The following GRIK2 variants were observed in gnomAD, a reference collection of about 807,000 sequenced individuals.
GRIK2 encodes the protein glutamate receptor ionotropic, kainate 2.
GRIK2 carries 32 observed loss-of-function variants against 100.3 expected under a neutral mutation model. That is an observed-to-expected ratio of 0.32 (90% CI 0.24 to 0.43). The LOEUF is 0.43. GRIK2 is among the 20% of genes least tolerant of loss of function. The pLI is 1.00. For synonymous variants in GRIK2, 417 were observed against 389.4 expected (o/e 1.07, Z -0.83); for missense variants, 843 against 1,114.9 (o/e 0.76, Z 3.47).
At chr6:101,414,570 T>C (rs528921071) in intron 2 of GRIK2, among the ~76,000 whole-genome samples, 5 of 152,254 alleles carry the variant, frequency 3.3e-5, no homozygotes, top group African/African-American at 1.2e-4. Flanking sequence ...TCAGGGATGG[T>C]ATGCTGGATC....
chr6:101,527,115 T>C (rs545545165), intron 2 of GRIK2, among the ~76,000 whole-genome samples: 2 of 152,298 alleles, frequency 1.3e-5, no homozygotes, highest in South Asian at 4.1e-4. Context: ...ATATTAAAGG[T>C]TGCAGGGAGA....
At chr6:101,683,467 TA>T (rs2128342750) in intron 6 of GRIK2, among the ~76,000 whole-genome samples, 1 of 152,324 alleles carries the variant, frequency 6.6e-6, no homozygotes, top group Admixed American at 6.5e-5. Context: ...AATCTGACTT[TA>T]ACCTGTATCA....
chr6:101,791,239 C>T (rs1779832168), intron 7 of GRIK2, among the ~76,000 whole-genome samples: 1 of 151,958 alleles, frequency 6.6e-6, no homozygotes, highest in Admixed American at 6.6e-5. Context: ...TTGTTTCTTG[C>T]CTTCTGCTAG....
chr6:101,747,247 T>G (rs552311591), intron 7 of GRIK2, among the ~76,000 whole-genome samples: 9 of 152,218 alleles, frequency 5.9e-5, no homozygotes, highest in Non-Finnish European at 8.8e-5. Context: ...CCCTTTAGCT[T>G]TCTGCCTAGG....
chr6:101,435,439 T>C (rs577622289), intron 2 of GRIK2, among the ~76,000 whole-genome samples: 6 of 151,818 alleles, frequency 4.0e-5, no homozygotes, highest in Non-Finnish European at 8.8e-5. Flanking sequence ...ACTTTTAAAA[T>C]TGGGGAATAG....
chr6:101,601,638 T>C (rs1223924707), intron 2 of GRIK2, among the ~76,000 whole-genome samples: 1 of 151,900 alleles, frequency 6.6e-6, no homozygotes, highest in Non-Finnish European at 1.5e-5. Flanking sequence ...AGGGTTTTAG[T>C]TTTTTCCTGA....
In GRIK2 at chr6:101,923,244, A is replaced by AT. The variant is rs201002961; in HGVS notation, c.1749-1349dup. Among the ~76,000 whole-genome samples the AT allele has an allele frequency of 1.4e-3, 218 of 152,144 alleles. 1 individual carries two copies. The highest frequency in any genetic ancestry group is 4.8e-3 in the East Asian group (25 of 5,164). The stretch of plus-strand genomic sequence containing the variant: ...TCAAATAACTTTGATTGGATGTAAG[A>AT]TTTTTTTTAATGCTTTCACAAAGCG... On this transcript the variant is annotated intron_variant, in intron 12 of 16. Coordinates refer to ENST00000369134, the MANE Select transcript of GRIK2 (RefSeq NM_021956.5).
At chr6:101,897,633 C>A (rs974459693) in intron 12 of GRIK2, among the ~76,000 whole-genome samples, 2 of 151,724 alleles carry the variant, frequency 1.3e-5, no homozygotes, top group Non-Finnish European at 2.9e-5. Context: ...TCCACAATGT[C>A]TAGTAAAGAC....
At chr6:101,687,570 C>G (rs1180468762) in intron 7 of GRIK2, among the ~76,000 whole-genome samples, 2 of 151,610 alleles carry the variant, frequency 1.3e-5, no homozygotes, top group Non-Finnish European at 1.5e-5. Context: ...ATTTTTTTAT[C>G]CTTAGAAGGT....
At chr6:101,518,351 ACTT>A (rs1774695528) in intron 2 of GRIK2, among the ~76,000 whole-genome samples, 1 of 152,102 alleles carries the variant, frequency 6.6e-6, no homozygotes, top group South Asian at 2.1e-4. Flanking sequence ...TGTACTCTGA[ACTT>A]CTTGCATATA....
At chr6:101,447,084 CTTT>C (rs541136444) in intron 2 of GRIK2, among the ~76,000 whole-genome samples, 180 of 149,126 alleles carry the variant, frequency 1.2e-3, no homozygotes, top group African/African-American at 4.2e-3. Flanking sequence ...TAGCCCTTTA[CTTT>C]TTTTCTTTTC....
At chr6:101,937,025 T>C (rs1353411937) in intron 14 of GRIK2, among the ~76,000 whole-genome samples, 1 of 152,140 alleles carries the variant, frequency 6.6e-6, no homozygotes. Flanking sequence ...GCAACTTTTA[T>C]CTTCGAAAGT....
At chr6:102,068,115 A>G (rs1351667607) in intron 16 of GRIK2, among the ~76,000 whole-genome samples, 2 of 151,816 alleles carry the variant, frequency 1.3e-5, no homozygotes, top group African/African-American at 2.4e-5. Context: ...CTGGTTGTTC[A>G]TTTCAGTATC....
intron 2 of GRIK2, among the ~76,000 whole-genome samples, chr6:101,466,135 C>T (rs537304227): frequency 1.2e-4 from 19 of 152,178 alleles, no homozygotes; most frequent in African/African-American, 2.2e-4. Flanking sequence ...GTTGTGGCAA[C>T]GTCAAAGTGT....
intron 10 of GRIK2, among the ~76,000 whole-genome samples, chr6:101,855,024 G>T (rs984653450): frequency 2.6e-5 from 4 of 152,140 alleles, no homozygotes; most frequent in Non-Finnish European, 5.9e-5. Flanking sequence ...CTCACCATTT[G>T]AAGAGCATTA....
intron 4 of GRIK2, among the ~76,000 whole-genome samples, chr6:101,669,899 A>C (rs569387647): frequency 6.6e-6 from 1 of 152,238 alleles, no homozygotes; most frequent in South Asian, 2.1e-4. Flanking sequence ...ATTAAGAATG[A>C]AAATAAATAT....
At chr6:101,557,161 A>G (rs1177425388) in intron 2 of GRIK2, among the ~76,000 whole-genome samples, 2 of 152,200 alleles carry the variant, frequency 1.3e-5, no homozygotes, top group Non-Finnish European at 2.9e-5. Flanking sequence ...ACTGATTATA[A>G]TAAACATGTT....
chr6:101,431,969 G>A (rs996448698), intron 2 of GRIK2, among the ~76,000 whole-genome samples: 4 of 152,042 alleles, frequency 2.6e-5, no homozygotes, highest in Admixed American at 6.6e-5. Context: ...ATTAGAAAGC[G>A]GACTCTGTAT....
At chr6:101,828,036 C>G (rs1782447395) in intron 10 of GRIK2, among the ~76,000 whole-genome samples, 3 of 151,948 alleles carry the variant, frequency 2.0e-5, no homozygotes. Context: ...CATCATAAAG[C>G]AAGTCTCAAT....
Sources: gnomAD v4.1 joint callset for allele counts (sites outside exome capture counted in the v4.1 genomes callset) on GRCh38, gnomAD v4.1.1 for gene constraint, MANE v1.5 for transcripts, NCBI Gene and HGNC (gene_info 2026-07-23, HGNC 2026-07-21) for gene names.